GRIA1: variants seen among roughly 807,000 people sequenced by gnomAD.
GRIA1 encodes glutamate ionotropic receptor AMPA type subunit 1.
Under a neutral mutation model 99.2 loss-of-function variants are expected in GRIA1, and 31 were observed. The observed-to-expected ratio is 0.31, with a 90% CI of 0.23 to 0.42. The LOEUF is 0.42. Ranked by LOEUF, GRIA1 falls within the 10% of genes least tolerant of loss-of-function variation. The pLI is 1.00. For missense variants in GRIA1, 782 were observed against 1,157.5 expected, an observed-to-expected ratio of 0.68 and a Z score of 4.71; for synonymous variants, 438 against 432.4, an observed-to-expected ratio of 1.01 and a Z score of -0.16.
chr5:153,545,423 G>A (rs1456495201), intron 2 of GRIA1, among the ~76,000 whole-genome samples: 1 of 152,098 alleles, frequency 6.6e-6, no homozygotes, highest in African/African-American at 2.4e-5. Flanking sequence ...GGAAGTTTGG[G>A]TATCTTTAAG....
chr5:153,810,539 T>G (rs1391658614), intron 15 of GRIA1, among the ~76,000 whole-genome samples: 1 of 152,200 alleles, frequency 6.6e-6, no homozygotes, highest in Non-Finnish European at 1.5e-5. Context: ...AATAACAGTG[T>G]GTAGGTGCAT....
intron 2 of GRIA1, among the ~76,000 whole-genome samples, chr5:153,590,867 A>G (rs1282260358): frequency 6.6e-6 from 1 of 152,204 alleles, no homozygotes; most frequent in East Asian, 1.9e-4. Flanking sequence ...TTAGAAGAAT[A>G]CCACCTTTTT....
chr5:153,679,704 C>T (rs1756839692), intron 7 of GRIA1, among the ~76,000 whole-genome samples: 1 of 152,178 alleles, frequency 6.6e-6, no homozygotes, highest in Non-Finnish European at 1.5e-5. Flanking sequence ...CTGATGGTAT[C>T]CAGTCTTAGA....
intron 2 of GRIA1, among the ~76,000 whole-genome samples, chr5:153,536,556 A>G (rs1189819888): frequency 1.3e-5 from 2 of 152,160 alleles, no homozygotes; most frequent in Non-Finnish European, 2.9e-5. Flanking sequence ...TAAGTGCAGT[A>G]CATTTCACAT....
Position 153,731,099 on chromosome 5 carries a change from T to C in GRIA1, c.1823+25032T>C, listed in dbSNP as rs545977790. Among the ~76,000 whole-genome samples, 59 of 152,196 alleles carry C rather than the reference T, an allele frequency of 3.9e-4. 1 individual carries two copies. The South Asian group carries it at 8.1e-3, about 21-fold the overall frequency. On this transcript the variant is annotated intron_variant, in intron 11 of 15. Transcript: ENST00000285900. ...CCCTTTAACCACCTTGATCAGACTC[T>C]ATCACTTCTTCCCCAACTCTGAAGG...
intron 8 of GRIA1, among the ~76,000 whole-genome samples, chr5:153,691,579 T>C (rs1162650024): frequency 1.3e-5 from 2 of 152,200 alleles, no homozygotes; most frequent in African/African-American, 4.8e-5. Flanking sequence ...ATATCAAAAG[T>C]AATCTTCTAA....
At chr5:153,587,438 T>G (rs1763587503) in intron 2 of GRIA1, among the ~76,000 whole-genome samples, 1 of 152,174 alleles carries the variant, frequency 6.6e-6, no homozygotes, top group Non-Finnish European at 1.5e-5. Flanking sequence ...GTCTCAGGTA[T>G]TTCTTTACAG....
chr5:153,541,002 CG>C (rs1759035838), intron 2 of GRIA1, among the ~76,000 whole-genome samples: 1 of 152,142 alleles, frequency 6.6e-6, no homozygotes, highest in Admixed American at 6.5e-5. Flanking sequence ...CTGCAGGACC[CG>C]GGAGGTCACA....
At chr5:153,578,148 CAAAAAAAAA>C (rs60901793) in intron 2 of GRIA1, among the ~76,000 whole-genome samples, 12 of 69,316 alleles carry the variant, frequency 1.7e-4, no homozygotes, top group African/African-American at 2.7e-4. Flanking sequence ...GAGACTCTGT[CAAAAAAAAA>C]AAAAAAAAAA....
chr5:153,612,343 G>C (rs1414953213), intron 2 of GRIA1, among the ~76,000 whole-genome samples: 1 of 152,224 alleles, frequency 6.6e-6, no homozygotes, highest in Non-Finnish European at 1.5e-5. Context: ...AGAATTTGAA[G>C]TTGATACTAT....
chr5:153,655,406 A>G (rs1754868224), intron 4 of GRIA1, among the ~76,000 whole-genome samples: 1 of 152,232 alleles, frequency 6.6e-6, no homozygotes, highest in Non-Finnish European at 1.5e-5. Context: ...GAATATTGTC[A>G]TGACAGATTT....
intron 11 of GRIA1, among the ~76,000 whole-genome samples, chr5:153,755,852 G>C (rs967242795): frequency 6.6e-6 from 1 of 152,196 alleles, no homozygotes; most frequent in Non-Finnish European, 1.5e-5. Context: ...TAAGCAGGCT[G>C]TTTTAAGAGT....
In GRIA1 at chr5:153,646,762, G is replaced by A. The variant is rs188997140; in HGVS notation, c.221-166G>A. Among the ~76,000 whole-genome samples, 251 of 152,296 alleles carry A rather than the reference G, an allele frequency of 1.6e-3. 2 individuals carry two copies. The highest frequency in any genetic ancestry group is 5.0e-3 in the African/African-American group (209 of 41,568). Reference sequence around the variant, plus strand: ...GGACAGTTGGATAGACTGGTGTGTCGAAAGGATGAATGGATGGATTGGTTT... The same window carrying A: ...GGACAGTTGGATAGACTGGTGTGTCAAAAGGATGAATGGATGGATTGGTTT... On this transcript the variant is annotated intron_variant, in intron 2 of 15. Transcript: ENST00000285900.
intron 2 of GRIA1, among the ~76,000 whole-genome samples, chr5:153,601,905 G>C (rs751360085): frequency 1.3e-5 from 2 of 152,124 alleles, no homozygotes; most frequent in Admixed American, 6.5e-5. Context: ...ATGCCTCCAG[G>C]GCTGCTAGAA....
chr5:153,655,357 C>T (rs1396229008), intron 4 of GRIA1, among the ~76,000 whole-genome samples: 1 of 152,174 alleles, frequency 6.6e-6, no homozygotes, highest in Non-Finnish European at 1.5e-5. Flanking sequence ...ACCATTCATC[C>T]ACCATCCATC....
chr5:153,756,465 A>C (rs949639610), intron 11 of GRIA1, among the ~76,000 whole-genome samples: 7 of 152,190 alleles, frequency 4.6e-5, no homozygotes, highest in African/African-American at 1.7e-4. Context: ...GGAAGCATAC[A>C]TGTCTGCAAC....
At chr5:153,582,776 A>G (rs1381485327) in intron 2 of GRIA1, among the ~76,000 whole-genome samples, 1 of 151,446 alleles carries the variant, frequency 6.6e-6, no homozygotes, top group Non-Finnish European at 1.5e-5. Context: ...TGCGTTTCCC[A>G]CTCCTTCCCC....
intron 2 of GRIA1, among the ~76,000 whole-genome samples, chr5:153,581,821 G>A (rs931089863): frequency 5.4e-5 from 8 of 149,406 alleles, no homozygotes; most frequent in African/African-American, 1.5e-4. Context: ...CATGATCTCC[G>A]CTCACTGCAA....
chr5:153,706,214 G>A, intron 11 of GRIA1, 147 bp downstream of exon 11: 2 of 763,840 alleles, frequency 2.6e-6, no homozygotes, highest in Non-Finnish European at 4.3e-6. Context: ...ACAATCAACT[G>A]TCCATTGCAC....
Sources: gnomAD v4.1 joint callset for allele counts (sites outside exome capture counted in the v4.1 genomes callset) on GRCh38, gnomAD v4.1.1 for gene constraint, MANE v1.5 for transcripts, NCBI Gene and HGNC (gene_info 2026-07-23, HGNC 2026-07-21) for gene names.